The following PTPRD variants were observed in gnomAD, a reference collection of about 807,000 sequenced individuals.
PTPRD encodes the protein protein tyrosine phosphatase receptor type D.
A neutral mutation model predicts 214.5 loss-of-function variants in PTPRD; 34 were observed. The ratio of observed to expected loss-of-function variants is 0.16; its 90% CI spans 0.12 to 0.21. The LOEUF is 0.21. Ranked by LOEUF, PTPRD falls within the 10% of genes least tolerant of loss-of-function variation. PTPRD has a pLI of 1.00. For synonymous variants in PTPRD, 1,128 were observed against 845.7 expected (o/e 1.33, Z -5.79); for missense variants, 2,545 against 2,398.7 (o/e 1.06, Z -1.27).
chr9:10,596,223 A>G (rs1372721367), intron 2 of PTPRD, among the ~76,000 whole-genome samples: 2 of 151,756 alleles, frequency 1.3e-5, no homozygotes, highest in Admixed American at 6.6e-5. Flanking sequence ...CGGAAATCAG[A>G]GTTTGACTAC....
At chr9:8,725,189 G>T (rs1442493303) in intron 12 of PTPRD, among the ~76,000 whole-genome samples, 2 of 152,082 alleles carry the variant, frequency 1.3e-5, no homozygotes, top group African/African-American at 4.8e-5. Flanking sequence ...ACTCCCTCAG[G>T]AAAGCTGTGG....
At chr9:9,647,389 T>G (rs2096221054) in intron 7 of PTPRD, among the ~76,000 whole-genome samples, 1 of 152,228 alleles carries the variant, frequency 6.6e-6, no homozygotes, top group Non-Finnish European at 1.5e-5. Flanking sequence ...TTTTATGCCT[T>G]GTATTCTTCT....
chr9:9,346,101 C>A lies in PTPRD; in HGVS notation c.-203+51348G>T, dbSNP rs574252670. Among the ~76,000 whole-genome samples the A allele has an allele frequency of 8.9e-4, 135 of 152,152 alleles. No homozygotes were observed. In the Middle Eastern group the frequency reaches 0.041, roughly 46 times the overall value. ...TAGTGCTGTGGAAGTCTCTCACACC[C>A]CAGAGCATAAATAGAAGACAAATTC... is the stretch of plus-strand genomic sequence containing the variant. On this transcript the variant is annotated intron_variant, in intron 9 of 45. Coordinates refer to ENST00000381196, the MANE Select transcript of PTPRD (RefSeq NM_002839.4).
chr9:9,646,859 G>A (rs114370415), intron 7 of PTPRD, among the ~76,000 whole-genome samples: 191 of 152,292 alleles, frequency 1.3e-3, no homozygotes, highest in African/African-American at 4.4e-3. Context: ...GTATATTGTA[G>A]TACAATAATG....
chr9:8,834,249 C>A (rs151033442), intron 11 of PTPRD, among the ~76,000 whole-genome samples: 2 of 151,842 alleles, frequency 1.3e-5, no homozygotes, highest in Non-Finnish European at 2.9e-5. Context: ...AGCTTTCTTA[C>A]GTAGATTTAT....
intron 3 of PTPRD, among the ~76,000 whole-genome samples, chr9:10,321,253 T>C (rs1409283667): frequency 6.6e-6 from 1 of 151,956 alleles, no homozygotes; most frequent in Non-Finnish European, 1.5e-5. Context: ...TCTGATACAC[T>C]CCTAACAGAA....
chr9:10,574,541 A>T (rs754149958), intron 2 of PTPRD, among the ~76,000 whole-genome samples: 3 of 151,976 alleles, frequency 2.0e-5, no homozygotes, highest in Non-Finnish European at 4.4e-5. Flanking sequence ...AAGGAAAAAA[A>T]ATATATCATT....
intron 14 of PTPRD, among the ~76,000 whole-genome samples, chr9:8,624,965 G>T (rs2095969550): frequency 1.3e-5 from 2 of 151,692 alleles, no homozygotes; most frequent in Non-Finnish European, 2.9e-5. Flanking sequence ...TTAATGCATT[G>T]TATCTACATA....
At chr9:10,275,673 G>C (rs1422866258) in intron 3 of PTPRD, among the ~76,000 whole-genome samples, 2 of 152,118 alleles carry the variant, frequency 1.3e-5, no homozygotes, top group Admixed American at 6.5e-5. Flanking sequence ...GGTAGAAATT[G>C]CTAGAAACTA....
rs910603797 is a variant in PTPRD, at chr9:10,438,429, T to C, written c.-599-97412A>G. On this transcript the variant is annotated intron_variant, in intron 2 of 45. Transcript: ENST00000381196. The stretch of plus-strand genomic sequence containing the variant: ...CCCATTGTAAATAGAGGAGCATCTA[T>C]ACGGTGATAAACAACACCACATTGA... 2.6e-5 allele frequency among the ~76,000 whole-genome samples: 4 copies of C among 151,712 alleles called. No individual in the cohort carries two copies. The Admixed American group carries it at 2.6e-4, about 10-fold the overall frequency.
chr9:10,297,454 C>T (rs1032819654), intron 3 of PTPRD, among the ~76,000 whole-genome samples: 2 of 151,940 alleles, frequency 1.3e-5, no homozygotes, highest in Non-Finnish European at 2.9e-5. Context: ...GGCAAACATA[C>T]TCTGTTTGGC....
At chr9:9,734,424 T>TC (rs1302045158) in intron 7 of PTPRD, 109 bp downstream of exon 7, 1 of 150,056 alleles carries the variant, frequency 6.7e-6, no homozygotes, top group Non-Finnish European at 1.5e-5. Flanking sequence ...GGGAGATTTT[T>TC]TTTTAAGGAT....
At chr9:9,381,658 C>A (rs542650727) in intron 9 of PTPRD, among the ~76,000 whole-genome samples, 2 of 150,720 alleles carry the variant, frequency 1.3e-5, no homozygotes, top group Admixed American at 1.3e-4. Context: ...CAGACAGCTA[C>A]ACTTGTAAAA....
At chr9:10,424,240 A>G (rs2098588995) in intron 2 of PTPRD, among the ~76,000 whole-genome samples, 2 of 151,876 alleles carry the variant, frequency 1.3e-5, no homozygotes, top group Non-Finnish European at 2.9e-5. Context: ...TAGAATGATT[A>G]ATAAGCATTG....
intron 5 of PTPRD, among the ~76,000 whole-genome samples, chr9:9,809,792 G>C (rs1001299945): frequency 2.0e-5 from 3 of 152,150 alleles, no homozygotes; most frequent in Non-Finnish European, 4.4e-5. Flanking sequence ...CATGATCAGG[G>C]ACAGGAAATC....
intron 5 of PTPRD, among the ~76,000 whole-genome samples, chr9:9,886,679 G>C (rs547300575): frequency 6.6e-6 from 1 of 152,264 alleles, no homozygotes; most frequent in Admixed American, 6.5e-5. Context: ...TGTACTACAA[G>C]AATGAAGAAG....
At chr9:9,594,065 G>A (rs1273574970) in intron 7 of PTPRD, among the ~76,000 whole-genome samples, 1 of 152,002 alleles carries the variant, frequency 6.6e-6, no homozygotes, top group Non-Finnish European at 1.5e-5. Context: ...AAATTCTATA[G>A]TATTCCTGTT....
intron 9 of PTPRD, among the ~76,000 whole-genome samples, chr9:9,211,521 A>G (rs891833822): frequency 0.012 from 638 of 52,264 alleles, 6 homozygotes; most frequent in African/African-American, 0.033. Context: ...GCACGCACAC[A>G]CACACACACA....
intron 4 of PTPRD, among the ~76,000 whole-genome samples, chr9:9,947,102 A>T (rs1462792853): frequency 1.3e-5 from 2 of 150,124 alleles, no homozygotes; most frequent in Admixed American, 1.4e-4. Context: ...AATAACTTGG[A>T]AGAACTGAAA....
Sources: allele counts gnomAD v4.1 joint callset (sites outside exome capture counted in the v4.1 genomes callset), GRCh38; gene constraint gnomAD v4.1.1; transcripts MANE v1.5; gene names NCBI Gene and HGNC (gene_info 2026-07-23, HGNC 2026-07-21).